DCDC1: variants seen among roughly 807,000 people sequenced by gnomAD.
The protein encoded by DCDC1 is doublecortin domain containing 1.
In DCDC1, 200 loss-of-function variants were observed where a neutral mutation model predicts 178.3. The ratio of observed to expected loss-of-function variants is 1.12; its 90% confidence interval spans 1.00 to 1.26. The LOEUF is 1.26. Among genes scored for constraint, DCDC1 ranks in the 50% most tolerant of loss-of-function variants. The pLI, the probability that DCDC1 is intolerant of heterozygous loss-of-function variation, is 0.00. For missense variants in DCDC1, 1,983 were observed against 1,749.2 expected, an observed-to-expected ratio of 1.13 and a Z score of -2.38; for synonymous variants, 690 against 604.8, an observed-to-expected ratio of 1.14 and a Z score of -2.07.
At chr11:30,910,946 G>C (rs999634902) in intron 28 of DCDC1, among the ~76,000 whole-genome samples, 1 of 152,112 alleles carries the variant, frequency 6.6e-6, no homozygotes, top group African/African-American at 2.4e-5. Flanking sequence ...CTTTATAAAC[G>C]GGAGCCTTGC....
intron 8 of DCDC1, 89 bp from the exon 9 acceptor site, chr11:31,241,705 C>T (rs899023865): frequency 8.7e-5 from 34 of 392,262 alleles, no homozygotes; most frequent in African/African-American, 7.0e-4. Context: ...CCAGAGCTAA[C>T]TCTTAACATC....
chr11:30,881,342 G>C, intron 36 of DCDC1, 34 bp from the exon 37 acceptor site: 1 of 1,607,180 alleles, frequency 6.2e-7, no homozygotes, highest in Non-Finnish European at 8.5e-7. Context: ...ATTTGAATAC[G>C]GAATGGCACA....
chr11:31,178,168 G>T (rs2136267667), intron 9 of DCDC1, among the ~76,000 whole-genome samples: 1 of 152,286 alleles, frequency 6.6e-6, no homozygotes, highest in African/African-American at 2.4e-5. Flanking sequence ...TACTAAAATA[G>T]CATGGTCCTG....
At position 30,892,903 on chromosome 11, in the gene DCDC1, T is replaced by C; in HGVS notation, c.4997A>G (p.Gln1666Arg). The C allele has an allele frequency of 6.2e-7, 1 of 1,613,980 alleles. No individual in the cohort carries two copies. The highest frequency in any genetic ancestry group is 1.6e-4 in the Middle Eastern group (1 of 6,062). ...AATCCACACTCGTTTTGTGTTGGGC[T>C]GCTTATACAGGTTGCTCGGCTTGAC... ...IAVKPSNLYK[Q>R]PNTKRVWIYL... Residue 1666 changes from glutamine (Q) to arginine (R), a missense_variant, in exon 36 of 39, where the codon CAG becomes CGG. By Grantham distance (43) the Gln-to-Arg change is conservative. Transcript: ENST00000684477.
At position 31,352,364 on chromosome 11, in the gene DCDC1, GA is replaced by G. The variant is rs1182276777; in HGVS notation, c.-124-16801del. Among the ~76,000 whole-genome samples, 3 of 152,154 alleles carry G rather than the reference GA, an allele frequency of 2.0e-5. No individual in the cohort carries two copies. The East Asian group carries it at 5.8e-4, about 29-fold the overall frequency. ...TATTTATTTAAATAATGATATACAA[GA>G]ATAATTAGCATTATGTTTTTACTAA... On this transcript the variant is annotated intron_variant, in intron 1 of 38. Transcript: ENST00000684477.
intron 8 of DCDC1, among the ~76,000 whole-genome samples, chr11:31,249,265 ATAAAT>A (rs1310266390): frequency 6.6e-6 from 1 of 152,182 alleles, no homozygotes; most frequent in Non-Finnish European, 1.5e-5. Context: ...GAGTCTACAA[ATAAAT>A]TAGACTACTT....
At chr11:30,903,356 G>T in intron 32 of DCDC1, 126 bp downstream of exon 32, 2 of 924,836 alleles carry the variant, frequency 2.2e-6, no homozygotes, top group Non-Finnish European at 3.0e-6. Context: ...ACACTCTTCG[G>T]GTCACAAAAG....
chr11:31,181,779 CT>C (rs1420691023), intron 9 of DCDC1, among the ~76,000 whole-genome samples: 22 of 152,084 alleles, frequency 1.4e-4, no homozygotes, highest in African/African-American at 5.1e-4. Context: ...CACAAAACGG[CT>C]GAAAATTCCA....
chr11:31,314,798 T>C (rs1318758677), intron 3 of DCDC1, among the ~76,000 whole-genome samples: 7 of 152,230 alleles, frequency 4.6e-5, no homozygotes, highest in Non-Finnish European at 1.0e-4. Flanking sequence ...TCTGCAGAAA[T>C]CTTTTCTCTT....
chr11:30,878,598 G>A lies in DCDC1; in HGVS notation c.5347C>T (p.His1783Tyr). 2 of 1,603,648 alleles carry A rather than the reference G, an allele frequency of 1.2e-6. No homozygotes were observed. Among genetic ancestry groups the A allele is most frequent in the Middle Eastern group, 1.7e-4 (1 of 5,980 alleles). The part of the protein sequence containing the change: ...SPSTKLLSLA[H>Y]LHN ...TCTGATAGGAGTTAATTGTGGAGATGTGCCAGAGACAGCAGCTTCGTGGAT... is the reference window on the plus strand; with the variant it reads ...TCTGATAGGAGTTAATTGTGGAGATATGCCAGAGACAGCAGCTTCGTGGAT... Residue 1783 changes from histidine (H) to tyrosine (Y), a missense_variant, in exon 38 of 39, where the codon CAT (histidine) becomes TAT (tyrosine). Coordinates refer to ENST00000684477, the MANE Select transcript of DCDC1 (RefSeq NM_001387274.1).
At chr11:31,313,114 C>T (rs149237214) in intron 3 of DCDC1, among the ~76,000 whole-genome samples, 174 of 151,994 alleles carry the variant, frequency 1.1e-3, no homozygotes, top group African/African-American at 4.0e-3. Flanking sequence ...AATATATTTG[C>T]TATTTGTTTT....
chr11:30,978,156 G>T (rs1950201049), intron 20 of DCDC1, among the ~76,000 whole-genome samples: 1 of 152,168 alleles, frequency 6.6e-6, no homozygotes, highest in Non-Finnish European at 1.5e-5. Flanking sequence ...TTCTCTAAAA[G>T]TTATGTGGCT....
intron 20 of DCDC1, among the ~76,000 whole-genome samples, chr11:30,988,018 A>G (rs933405318): frequency 4.6e-5 from 7 of 152,096 alleles, no homozygotes; most frequent in African/African-American, 1.7e-4. Context: ...GATACAGGAG[A>G]TTAGGTCACA....
intron 9 of DCDC1, among the ~76,000 whole-genome samples, chr11:31,170,685 A>G (rs1415980888): frequency 1.3e-5 from 2 of 152,184 alleles, no homozygotes; most frequent in African/African-American, 4.8e-5. Flanking sequence ...AGTACTACAT[A>G]CTGTAAAAGC....
rs1944723947 is a variant in DCDC1 at position 30,902,112 on chromosome 11, A to G, written c.4510+1370T>C. Among the ~76,000 whole-genome samples, 6 of 152,280 alleles carry G rather than the reference A, an allele frequency of 3.9e-5. No individual in the cohort carries two copies. In the South Asian group the frequency reaches 1.2e-3, roughly 32 times the overall value. On this transcript the variant is annotated intron_variant, in intron 32 of 38. Coordinates refer to ENST00000684477, the MANE Select transcript of DCDC1 (RefSeq NM_001387274.1). ...TATAGATATACTTGCTATGGTTTGA[A>G]TGTGTGCTTTCCAAAATTCTGGTGT...
chr11:30,951,296 C>T (rs1452336629), intron 21 of DCDC1, among the ~76,000 whole-genome samples: 1 of 152,142 alleles, frequency 6.6e-6, no homozygotes, highest in Non-Finnish European at 1.5e-5. Flanking sequence ...CAGCTGACCT[C>T]TCCATAACAA....
chr11:31,168,177 C>A (rs1352803246), intron 9 of DCDC1, among the ~76,000 whole-genome samples: 1 of 152,196 alleles, frequency 6.6e-6, no homozygotes, highest in Non-Finnish European at 1.5e-5. Context: ...CCACTCTCTA[C>A]CCCCTCAATC....
At chr11:31,012,788 C>A (rs1311963476) in intron 20 of DCDC1, among the ~76,000 whole-genome samples, 1 of 151,780 alleles carries the variant, frequency 6.6e-6, no homozygotes, top group Non-Finnish European at 1.5e-5. Context: ...AAGCAAGAAA[C>A]AAAATAGTAT....
chr11:31,311,655 G>T (rs1376121562), intron 3 of DCDC1, among the ~76,000 whole-genome samples: 1 of 152,074 alleles, frequency 6.6e-6, no homozygotes, highest in Non-Finnish European at 1.5e-5. Flanking sequence ...AAGAGATGTG[G>T]ATCAAAAGGA....
Sources: gnomAD v4.1 joint callset for allele counts (sites outside exome capture counted in the v4.1 genomes callset) on GRCh38, gnomAD v4.1.1 for gene constraint, MANE v1.5 for transcripts, NCBI Gene and HGNC (gene_info 2026-07-23, HGNC 2026-07-21) for gene names.